RIMS1: variants seen among roughly 807,000 people sequenced by gnomAD.
RIMS1 encodes the protein regulating synaptic membrane exocytosis protein 1.
RIMS1 carries 83 observed loss-of-function variants against 214.1 expected under a neutral mutation model. The observed-to-expected ratio is 0.39, with a 90% confidence interval of 0.32 to 0.47. The LOEUF (loss-of-function observed/expected upper bound fraction) is 0.47. Among genes scored for constraint, RIMS1 ranks in the 20% least tolerant of loss-of-function variants. The pLI is 0.99. For missense variants in RIMS1, 2,050 were observed against 2,161.8 expected (o/e 0.95, Z 1.03); for synonymous variants, 793 against 786.8 (o/e 1.01, Z -0.13).
intron 19 of RIMS1, chr6:72,261,667 A>G: frequency 1.0e-6 from 1 of 985,346 alleles, no homozygotes; most frequent in South Asian, 4.7e-5. Flanking sequence ...AAGAGGTATT[A>G]CCGCAGTACT....
In RIMS1 at chr6:72,369,002, T is replaced by A. The variant is rs565554857; in HGVS notation, c.4367-21596T>A. Reference sequence around the variant, plus strand: ...CAGCTCATACAGAGGAAACAGGATGTAACCAGCTTGGTTGGAGCAGAGGGT... The same window carrying A: ...CAGCTCATACAGAGGAAACAGGATGAAACCAGCTTGGTTGGAGCAGAGGGT... On this transcript the variant is annotated intron_variant, in intron 29 of 33. Transcript: ENST00000521978. 2.6e-5 allele frequency among the ~76,000 whole-genome samples: 4 copies of A among 151,014 alleles called. No individual in the cohort carries two copies. In the East Asian group the frequency reaches 7.8e-4, roughly 29 times the overall value.
chr6:72,302,732 A>G (rs2094753092), intron 26 of RIMS1, among the ~76,000 whole-genome samples: 1 of 151,660 alleles, frequency 6.6e-6, no homozygotes, highest in Non-Finnish European at 1.5e-5. Flanking sequence ...ATAGTTAACT[A>G]GACAGGCTTA....
chr6:72,158,388 C>T lies in RIMS1; in HGVS notation c.472-21187C>T, dbSNP rs529362582. Among the ~76,000 whole-genome samples the T allele has an allele frequency of 9.6e-4, 135 of 140,426 alleles. 12 individuals carry two copies. The highest frequency in any genetic ancestry group is 3.6e-3 in the Middle Eastern group (1 of 280). 92.1% of individuals were successfully genotyped at this position (140,426 alleles called of 152,430 possible). ...CCTTTGAAAATAATGTGTCTTTTAT[C>T]TCTGGTTGTTTTAAAAAGATTGTAT... On this transcript the variant is annotated intron_variant, in intron 4 of 33. Transcript: ENST00000521978.
At chr6:71,910,455 T>C (rs575263557) in intron 1 of RIMS1, among the ~76,000 whole-genome samples, 1 of 152,228 alleles carries the variant, frequency 6.6e-6, no homozygotes, top group Admixed American at 6.5e-5. Context: ...AGCCAGTTGG[T>C]ATACAATGTC....
intron 2 of RIMS1, among the ~76,000 whole-genome samples, chr6:71,975,258 A>G (rs1796856225): frequency 2.0e-5 from 3 of 152,324 alleles, no homozygotes; most frequent in Admixed American, 6.5e-5. Context: ...ATGCAATGTC[A>G]TGCAAAAACA....
chr6:72,209,425 C>G (rs1183485410), intron 6 of RIMS1, among the ~76,000 whole-genome samples: 1 of 152,122 alleles, frequency 6.6e-6, no homozygotes, highest in African/African-American at 2.4e-5. Context: ...ATTAATTTCC[C>G]ACATCCTAAC....
chr6:72,338,168 T>C (rs1255154507), intron 29 of RIMS1, among the ~76,000 whole-genome samples: 1 of 151,806 alleles, frequency 6.6e-6, no homozygotes, highest in Non-Finnish European at 1.5e-5. Flanking sequence ...ATCGCCACAC[T>C]GACTTCCACA....
chr6:72,307,197 C>A, intron 26 of RIMS1, 61 bp from the exon 27 acceptor site: 2 of 1,017,648 alleles, frequency 2.0e-6, no homozygotes, highest in South Asian at 1.4e-5. Flanking sequence ...AATCTTAAAC[C>A]ATTCAGTTCC....
chr6:72,070,636 T>C (rs1314945021), intron 2 of RIMS1, among the ~76,000 whole-genome samples: 1 of 151,890 alleles, frequency 6.6e-6, no homozygotes, highest in African/African-American at 2.4e-5. Context: ...GTCCAGGGAG[T>C]GTTTTCAAAA....
Position 72,400,927 on chromosome 6 carries a change from A to T in RIMS1, c.*213A>T, listed in dbSNP as rs932013425. ...TATCAAATTTACAGGAAGAATCAAC[A>T]TGCTGGTGAGAGTCACTGATGCTTC... On this transcript the variant is annotated 3_prime_UTR_variant, in exon 34 of 34. Transcript: ENST00000521978. 1.9e-6 allele frequency: 1 copy of T among 531,144 alleles called. No homozygotes were observed. The highest frequency in any genetic ancestry group is 1.9e-5 in the African/African-American group (1 of 52,900). 32.9% of individuals were successfully genotyped at this position (531,144 alleles called of 1,614,324 possible).
At chr6:72,018,332 A>G (rs911556525) in intron 2 of RIMS1, among the ~76,000 whole-genome samples, 1 of 152,188 alleles carries the variant, frequency 6.6e-6, no homozygotes, top group East Asian at 1.9e-4. Flanking sequence ...CTCAACAAAC[A>G]TAAAAATGGA....
chr6:72,103,093 A>C (rs908742743), intron 4 of RIMS1, among the ~76,000 whole-genome samples: 1 of 152,116 alleles, frequency 6.6e-6, no homozygotes, highest in African/African-American at 2.4e-5. Context: ...AAAGTTTATA[A>C]ATATAGATAA....
intron 2 of RIMS1, among the ~76,000 whole-genome samples, chr6:71,988,442 TA>T (rs563422583): frequency 7.0e-4 from 104 of 147,628 alleles, no homozygotes; most frequent in South Asian, 4.5e-3. Flanking sequence ...ACTTAGGAAT[TA>T]AAAAAAAAAA....
At chr6:72,346,466 C>T (rs1027882119) in intron 29 of RIMS1, among the ~76,000 whole-genome samples, 14 of 151,904 alleles carry the variant, frequency 9.2e-5, no homozygotes, top group African/African-American at 2.9e-4. Context: ...CAGTAAATTG[C>T]ACTTGTTCAC....
At chr6:71,942,998 G>T (rs889758671) in intron 1 of RIMS1, among the ~76,000 whole-genome samples, 4 of 152,032 alleles carry the variant, frequency 2.6e-5, no homozygotes, top group African/African-American at 9.7e-5. Context: ...AAGATAAGAT[G>T]TAAGTCAAAA....
At chr6:72,116,697 T>C (rs1036911316) in intron 4 of RIMS1, among the ~76,000 whole-genome samples, 2 of 152,012 alleles carry the variant, frequency 1.3e-5, no homozygotes, top group Non-Finnish European at 2.9e-5. Context: ...CCATAGATAA[T>C]ACAAATAGAT....
chr6:72,040,144 A>G (rs1821033901), intron 2 of RIMS1, among the ~76,000 whole-genome samples: 3 of 152,086 alleles, frequency 2.0e-5, no homozygotes, highest in Non-Finnish European at 4.4e-5. Context: ...CTTAGTACCT[A>G]GGGACCTTAA....
intron 4 of RIMS1, among the ~76,000 whole-genome samples, chr6:72,135,687 G>T (rs1169461426): frequency 6.6e-6 from 1 of 152,166 alleles, no homozygotes; most frequent in Non-Finnish European, 1.5e-5. Flanking sequence ...AATTCACTAG[G>T]ATATTCTACA....
chr6:72,152,684 T>C (rs1379256132), intron 4 of RIMS1, among the ~76,000 whole-genome samples: 2 of 147,176 alleles, frequency 1.4e-5, no homozygotes, highest in Non-Finnish European at 3.0e-5. Flanking sequence ...ATATATTCCA[T>C]AGAGATACAT....
Sources: allele counts gnomAD v4.1 joint callset (sites outside exome capture counted in the v4.1 genomes callset), GRCh38; gene constraint gnomAD v4.1.1; transcripts MANE v1.5; gene names NCBI Gene and HGNC (gene_info 2026-07-23, HGNC 2026-07-21).